The following PCDHGA12 variants were observed in gnomAD, a reference collection of about 807,000 sequenced individuals.
The protein encoded by PCDHGA12 is protocadherin gamma-A12.
PCDHGA12 carries 43 observed loss-of-function variants against 61.1 expected under a neutral mutation model. That is an observed-to-expected ratio of 0.70 (90% CI 0.55 to 0.91). PCDHGA12 has a LOEUF of 0.91. PCDHGA12 is among the 40% of genes least tolerant of loss of function. The pLI, the probability that PCDHGA12 is intolerant of heterozygous loss-of-function variation, is 0.00. For missense variants in PCDHGA12, 1,236 were observed against 1,227.7 expected, an observed-to-expected ratio of 1.01 and a Z score of -0.10; for synonymous variants, 520 against 542.9, an observed-to-expected ratio of 0.96 and a Z score of 0.59.
chr5:141,489,380 A>T lies in PCDHGA12; in HGVS notation c.2425-5427A>T, dbSNP rs753226956. 1 of 1,613,874 alleles carries T rather than the reference A, an allele frequency of 6.2e-7. No homozygotes were observed. The highest frequency in any genetic ancestry group is 2.2e-5 in the East Asian group (1 of 44,872). On this transcript the variant is annotated intron_variant, in intron 1 of 3. Transcript: ENST00000252085. The surrounding 1 kb of genome is among the most constrained non-coding windows in gnomAD (Gnocchi z 4.5). ...TCTGAGCCGGGGACGCTGGTGGGGA[A>T]TGTTGCTCAGGATCTGGGCTTAAAG... is the stretch of plus-strand genomic sequence containing the variant.
In PCDHGA12 at chr5:141,490,506, C is replaced by T. The variant is rs967095367; in HGVS notation, c.2425-4301C>T. ...GGGAGGCCACATCCCACTATATCAT[C>T]GAGCTGCTGGCCAGCGATGCTGGTT... is the stretch of plus-strand genomic sequence containing the variant. On this transcript the variant is annotated intron_variant, in intron 1 of 3. Transcript: ENST00000252085. This position sits in a 1 kb window ranked among gnomAD's most constrained non-coding sequence, Gnocchi z 5.4. The T allele has an allele frequency of 1.2e-5, 19 of 1,614,116 alleles. No homozygotes were observed. The highest frequency in any genetic ancestry group is 2.2e-5 in the South Asian group (2 of 91,088).
intron 2 of PCDHGA12, among the ~76,000 whole-genome samples, chr5:141,503,780 T>G (rs779791247): frequency 7.2e-5 from 11 of 152,124 alleles, no homozygotes; most frequent in Non-Finnish European, 1.3e-4. Flanking sequence ...GTTCTTAGGC[T>G]GAGTTCATCT....
rs551289441 is a variant in PCDHGA12, at chr5:141,444,102, C to T, written c.2424+10919C>T. ...TGAAAAGTCTGCTAAGGATTGGAAACCAAGAAAAGTGAAGTATCTCAACAG... is the reference window on the plus strand; with the variant it reads ...TGAAAAGTCTGCTAAGGATTGGAAATCAAGAAAAGTGAAGTATCTCAACAG... On this transcript the variant is annotated intron_variant, in intron 1 of 3. Coordinates refer to ENST00000252085, the MANE Select transcript of PCDHGA12 (RefSeq NM_003735.3). Among the ~76,000 whole-genome samples the T allele has an allele frequency of 1.5e-3, 216 of 144,128 alleles. 1 individual carries two copies. Among genetic ancestry groups the T allele is most frequent in the African/African-American group, 5.4e-3 (211 of 38,798 alleles). 94.6% of individuals were successfully genotyped at this position (144,128 alleles called of 152,430 possible).
rs961341807 is a variant in PCDHGA12 at position 141,486,262 on chromosome 5, A to G, written c.2425-8545A>G. The G allele has an allele frequency of 6.2e-6, 10 of 1,613,912 alleles. No individual in the cohort carries two copies. Among genetic ancestry groups the G allele is most frequent in the Non-Finnish European group, 8.5e-6 (10 of 1,179,986 alleles). On this transcript the variant is annotated intron_variant, in intron 1 of 3. Transcript: ENST00000252085. This position sits in a 1 kb window ranked among gnomAD's most constrained non-coding sequence, Gnocchi z 5.0. ...AGCTTGGAACCCTCCCCGAGAGTGC[A>G]GAACCTGGCACTGTGGTGGCACTTA...
Position 141,432,089 on chromosome 5 carries a change from G to A in PCDHGA12, c.1330G>A (p.Asp444Asn), listed in dbSNP as rs1325165974. Residue 444 changes from aspartate (D) to asparagine (N), a missense_variant, in exon 1 of 4, where the codon GAC (aspartate) becomes AAC (asparagine). Transcript: ENST00000252085. The surrounding 1 kb of genome is among the most constrained non-coding windows in gnomAD (Gnocchi z 6.0). ...TETHISLNVA[D>N]TNDNPPVFPQ... Reference sequence around the variant, plus strand: ...AACTCATATCTCGCTGAACGTGGCAGACACCAACGACAACCCGCCGGTCTT... The same window carrying A: ...AACTCATATCTCGCTGAACGTGGCAAACACCAACGACAACCCGCCGGTCTT... The A allele has an allele frequency of 6.2e-7, 1 of 1,614,046 alleles. No homozygotes were observed. Among genetic ancestry groups the A allele is most frequent in the Non-Finnish European group, 8.5e-7 (1 of 1,180,052 alleles).
At chr5:141,445,312 T>C (rs1419229431) in intron 1 of PCDHGA12, among the ~76,000 whole-genome samples, 2 of 152,194 alleles carry the variant, frequency 1.3e-5, no homozygotes, top group African/African-American at 4.8e-5. Context: ...AGTTTGTAGG[T>C]TGAGAGAACC....
intron 1 of PCDHGA12, among the ~76,000 whole-genome samples, chr5:141,445,834 T>G (rs1310067225): frequency 6.6e-6 from 1 of 152,218 alleles, no homozygotes; most frequent in Middle Eastern, 3.2e-3. Context: ...GGGAGAGCCT[T>G]GTAAATCACA....
chr5:141,467,878 C>T (rs937986234), intron 1 of PCDHGA12, among the ~76,000 whole-genome samples: 8 of 151,998 alleles, frequency 5.3e-5, no homozygotes, highest in Non-Finnish European at 7.4e-5. Flanking sequence ...AGGCTGGTCT[C>T]AAACTCCTGA....
chr5:141,487,880 G>T lies in PCDHGA12; in HGVS notation c.2425-6927G>T, dbSNP rs1008153773. ...ATTGGTGATCAAGAGCCAGGCTGTTGTGGAAGCATGATGATGGAATGTGGG... is the reference window on the plus strand; with the variant it reads ...ATTGGTGATCAAGAGCCAGGCTGTTTTGGAAGCATGATGATGGAATGTGGG... On this transcript the variant is annotated intron_variant, in intron 1 of 3. Transcript: ENST00000252085. The surrounding 1 kb of genome is among the most constrained non-coding windows in gnomAD (Gnocchi z 5.0). The T allele has an allele frequency of 3.8e-6, 3 of 784,896 alleles. No individual in the cohort carries two copies. Among genetic ancestry groups the T allele is most frequent in the Non-Finnish European group, 6.0e-6 (3 of 497,074 alleles). 48.6% of individuals were successfully genotyped at this position (784,896 alleles called of 1,614,324 possible).
chr5:141,459,315 T>A (rs2154566534), intron 1 of PCDHGA12, among the ~76,000 whole-genome samples: 1 of 152,362 alleles, frequency 6.6e-6, no homozygotes, highest in Non-Finnish European at 1.5e-5. Flanking sequence ...CTATTTTGTA[T>A]CCATCTTCTT....
At chr5:141,494,890 C>A (rs1483157263) in intron 2 of PCDHGA12, 25 bp downstream of exon 2, 1 of 1,614,120 alleles carries the variant, frequency 6.2e-7, no homozygotes. Context: ...CTCCAGCCCA[C>A]CCTCTTCTCT....
Position 141,477,598 on chromosome 5 carries a change from C to A in PCDHGA12, c.2425-17209C>A. The A allele has an allele frequency of 6.2e-7, 1 of 1,614,180 alleles. No homozygotes were observed. The highest frequency in any genetic ancestry group is 8.5e-7 in the Non-Finnish European group (1 of 1,180,030). ...CCCCGCAGAATGCTCGGCTTTCTTT[C>A]TTTCTCTTGGAGCAAGGAGCTGAAA... On this transcript the variant is annotated intron_variant, in intron 1 of 3. Transcript: ENST00000252085. This position sits in a 1 kb window ranked among gnomAD's most constrained non-coding sequence, Gnocchi z 4.9.
Position 141,493,477 on chromosome 5 carries a change from G to A in PCDHGA12, c.2425-1330G>A, listed in dbSNP as rs1657824440. On this transcript the variant is annotated intron_variant, in intron 1 of 3. Transcript: ENST00000252085. This position sits in a 1 kb window ranked among gnomAD's most constrained non-coding sequence, Gnocchi z 4.3. ...TTCCCTTTTAGGACCTTACATGTGG[G>A]GAAAGTCTTCTGTGGCTCCTCATTT... is the stretch of plus-strand genomic sequence containing the variant. Among the ~76,000 whole-genome samples, 3 of 152,124 alleles carry A rather than the reference G, an allele frequency of 2.0e-5. No individual in the cohort carries two copies. The highest frequency in any genetic ancestry group is 6.5e-5 in the Admixed American group (1 of 15,272).
In PCDHGA12 at chr5:141,432,847, G is replaced by C. The variant is rs768265171; in HGVS notation, c.2088G>C (p.Ala696=). ...TSDLTLYLVV[A]VAAVSCVFLA... ...ACCTCACTCTGTACCTGGTGGTAGC[G>C]GTGGCCGCGGTCTCCTGCGTCTTCC... Residue 696 remains alanine (A), a synonymous_variant, in exon 1 of 4, where the codon GCG becomes GCC. Transcript: ENST00000252085. The surrounding 1 kb of genome is among the most constrained non-coding windows in gnomAD (Gnocchi z 6.0). The C allele has an allele frequency of 1.2e-6, 2 of 1,614,180 alleles. No homozygotes were observed. Among genetic ancestry groups the C allele is most frequent in the Admixed American group, 1.7e-5 (1 of 60,032 alleles).
At chr5:141,441,764 C>T (rs1407504024) in intron 1 of PCDHGA12, 1 of 384,478 alleles carries the variant, frequency 2.6e-6, no homozygotes, top group South Asian at 2.1e-5. Context: ...TGAGCCTGCG[C>T]GTGTTGGTGG....
Position 141,477,952 on chromosome 5 carries a change from A to T in PCDHGA12, c.2425-16855A>T, listed in dbSNP as rs907708638. ...CCTGGCTCTCCTACAGTCTCTTGGG[A>T]TCCCCTAACCAGAGCCTTTTTGCCA... On this transcript the variant is annotated intron_variant, in intron 1 of 3. Coordinates refer to ENST00000252085, the MANE Select transcript of PCDHGA12 (RefSeq NM_003735.3). This position sits in a 1 kb window ranked among gnomAD's most constrained non-coding sequence, Gnocchi z 4.9. The T allele has an allele frequency of 1.9e-6, 3 of 1,613,920 alleles. No individual in the cohort carries two copies. The African/African-American group carries it at 4.0e-5, about 22-fold the overall frequency.
At position 141,491,251 on chromosome 5, in the gene PCDHGA12, C is replaced by A; in HGVS notation, c.2425-3556C>A. On this transcript the variant is annotated intron_variant, in intron 1 of 3. Coordinates refer to ENST00000252085, the MANE Select transcript of PCDHGA12 (RefSeq NM_003735.3). This position sits in a 1 kb window ranked among gnomAD's most constrained non-coding sequence, Gnocchi z 6.9. ...GCTGCTGGTTCTGGAGGATGAGGAC[C>A]CTGAGGAAATGCCCAAATCCAGTGA... 6.2e-7 allele frequency: 1 copy of A among 1,614,144 alleles called. No homozygotes were observed. Among genetic ancestry groups the A allele is most frequent in the Non-Finnish European group, 8.5e-7 (1 of 1,180,016 alleles).
At chr5:141,442,129 G>T in intron 1 of PCDHGA12, 1 of 165,104 alleles carries the variant, frequency 6.1e-6, no homozygotes, top group Non-Finnish European at 1.3e-5. Flanking sequence ...CCGACAGCCT[G>T]CAGGAGACTC....
chr5:141,451,740 G>A (rs370710201), intron 1 of PCDHGA12, among the ~76,000 whole-genome samples: 1 of 152,108 alleles, frequency 6.6e-6, no homozygotes, highest in Non-Finnish European at 1.5e-5. Context: ...AAATTAGCTG[G>A]TCTGGTGGTG....
Sources: gnomAD v4.1 joint callset for allele counts (sites outside exome capture counted in the v4.1 genomes callset) on GRCh38, gnomAD v4.1.1 for gene constraint, Gnocchi (gnomAD v3.1) non-coding constraint, MANE v1.5 for transcripts, NCBI Gene and HGNC (gene_info 2026-07-23, HGNC 2026-07-21) for gene names.